The following P3H2 variants were observed in gnomAD, a reference collection of about 807,000 sequenced individuals.
P3H2 encodes prolyl 3-hydroxylase 2.
Under a neutral mutation model 87.0 loss-of-function variants are expected in P3H2, and 80 were observed. That is an observed-to-expected ratio of 0.92 (90% CI 0.77 to 1.11). The LOEUF is 1.11. P3H2 is among the 50% of genes least tolerant of loss of function. The pLI, the probability that P3H2 is intolerant of heterozygous loss-of-function variation, is 0.00. For missense variants in P3H2, 1,001 were observed against 923.9 expected (o/e 1.08, Z -1.08); for synonymous variants, 367 against 359.3 (o/e 1.02, Z -0.24).
At chr3:190,030,087 T>A (rs1307395922) in intron 1 of P3H2, among the ~76,000 whole-genome samples, 2 of 151,950 alleles carry the variant, frequency 1.3e-5, no homozygotes, top group Non-Finnish European at 2.9e-5. Context: ...TATAAAAATA[T>A]ATAATTACAT....
intron 1 of P3H2, among the ~76,000 whole-genome samples, chr3:190,027,274 T>G (rs1216098811): frequency 2.0e-5 from 3 of 152,208 alleles, no homozygotes; most frequent in Non-Finnish European, 4.4e-5. Context: ...ACCCAACAGA[T>G]AATACTATAC....
intron 8 of P3H2, among the ~76,000 whole-genome samples, chr3:189,979,283 C>T (rs1242170577): frequency 1.3e-5 from 2 of 151,316 alleles, no homozygotes; most frequent in Non-Finnish European, 2.9e-5. Flanking sequence ...AAAAAATTCG[C>T]TGGGCATGGT....
At chr3:190,102,900 C>G (rs529869539) in intron 1 of P3H2, among the ~76,000 whole-genome samples, 20 of 152,198 alleles carry the variant, frequency 1.3e-4, no homozygotes, top group Non-Finnish European at 2.8e-4. Flanking sequence ...TTACAGTAAC[C>G]ACCAACCTGA....
Position 189,957,427 on chromosome 3 carries a change from T to G in P3H2, c.*485A>C. On this transcript the variant is annotated 3_prime_UTR_variant, in exon 15 of 15. Transcript: ENST00000319332. ...GCTTATTCTCTCTAAGCTTTTGAAT[T>G]TGCAGCAACTTAATTGTGTGTGTGT... The G allele has an allele frequency of 5.3e-6, 2 of 375,830 alleles. No homozygotes were observed. Among genetic ancestry groups the G allele is most frequent in the Non-Finnish European group, 4.7e-6 (1 of 215,052 alleles). The allele number at this position is 375,830 out of a possible 1,614,324, so 23.3% of individuals were successfully genotyped here. A position where few individuals can be genotyped will look rare whatever the true frequency, so the allele number is the denominator to read the frequency against.
At chr3:190,101,502 G>A (rs528090475) in intron 1 of P3H2, among the ~76,000 whole-genome samples, 2 of 150,620 alleles carry the variant, frequency 1.3e-5, no homozygotes, top group South Asian at 4.2e-4. Flanking sequence ...ATAGAAAATC[G>A]AATCAGCCAC....
chr3:190,017,018 G>A (rs1294484499), intron 1 of P3H2, among the ~76,000 whole-genome samples: 1 of 152,182 alleles, frequency 6.6e-6, no homozygotes, highest in Non-Finnish European at 1.5e-5. Context: ...AGAAAATGTT[G>A]TTCTTCTATG....
Position 189,994,165 on chromosome 3 carries a change from CAT to C in P3H2, c.750_751del (p.Cys251Ter). 6.2e-7 allele frequency: 1 copy of C among 1,613,798 alleles called. No individual in the cohort carries two copies. The highest frequency in any genetic ancestry group is 8.5e-7 in the Non-Finnish European group (1 of 1,179,830). On this transcript the variant is annotated frameshift_variant, in exon 3 of 15. Transcript: ENST00000319332. LOFTEE classifies it high-confidence loss of function. ...TTCTTCAAATCTCTGAGGCCCCTCA[CAT>C]AGGGTCCGGCATTCTGTATCTTCAA...
chr3:190,028,715 T>G (rs1171113505), intron 1 of P3H2, among the ~76,000 whole-genome samples: 1 of 152,050 alleles, frequency 6.6e-6, no homozygotes, highest in Non-Finnish European at 1.5e-5. Flanking sequence ...ATTTTAATAA[T>G]TGTTTGAATG....
At chr3:190,017,189 T>C (rs1724782446) in intron 1 of P3H2, among the ~76,000 whole-genome samples, 1 of 151,980 alleles carries the variant, frequency 6.6e-6, no homozygotes, top group Non-Finnish European at 1.5e-5. Flanking sequence ...CTCCATATCC[T>C]GAAGAATTTT....
At chr3:190,114,376 C>T (rs1268901959) in intron 1 of P3H2, among the ~76,000 whole-genome samples, 2 of 151,650 alleles carry the variant, frequency 1.3e-5, no homozygotes, top group African/African-American at 4.8e-5. Flanking sequence ...TTAGTAGAGA[C>T]GGGGTTTCAC....
chr3:189,972,685 C>A (rs1429394305), intron 11 of P3H2, among the ~76,000 whole-genome samples, 189 bp downstream of exon 11: 1 of 152,022 alleles, frequency 6.6e-6, no homozygotes, highest in African/African-American at 2.4e-5. Flanking sequence ...CGAGGGTTTT[C>A]TGGAACTTCA....
Position 189,974,165 on chromosome 3 carries a change from G to C in P3H2, c.1453-161C>G. 3.7e-5 allele frequency: 24 copies of C among 648,572 alleles called. No homozygotes were observed. In the South Asian group the frequency reaches 4.2e-4, roughly 11 times the overall value. The allele number at this position is 648,572 out of a possible 1,614,324, so 40.2% of individuals were successfully genotyped here. ...TATAACTATTCTTTTAATTAAAAGA[G>C]ATATCTTTATTTAATCTTCATTCTA... On this transcript the variant is annotated intron_variant, in intron 9 of 14. Coordinates refer to ENST00000319332, the MANE Select transcript of P3H2 (RefSeq NM_018192.4).
intron 8 of P3H2, among the ~76,000 whole-genome samples, chr3:189,981,016 C>T (rs903181567): frequency 1.3e-5 from 2 of 152,228 alleles, no homozygotes; most frequent in Admixed American, 6.5e-5. Flanking sequence ...TTGCTGAGCA[C>T]GTGGAGATGC....
Position 190,020,299 on chromosome 3 carries a change from C to T in P3H2, c.481-24857G>A, listed in dbSNP as rs1006358245. On this transcript the variant is annotated intron_variant, in intron 1 of 14. Transcript: ENST00000319332. ...GAATGTGTGATCTTGCTAATGTAAA[C>T]GTCAAAGGATTTAGAAAAAAGTAAA... Among the ~76,000 whole-genome samples, 9 of 134,378 alleles carry T rather than the reference C, an allele frequency of 6.7e-5. 2 individuals are homozygous for T. The highest frequency in any genetic ancestry group is 5.0e-5 in the Non-Finnish European group (3 of 60,348). The allele number at this position is 134,378 out of a possible 152,430, so 88.2% of individuals were successfully genotyped here.
intron 13 of P3H2, chr3:189,970,001 T>C: frequency 1.7e-6 from 1 of 582,706 alleles, no homozygotes; most frequent in Non-Finnish European, 3.1e-6. Flanking sequence ...GGATGCTAAC[T>C]ATATGGTCTT....
In P3H2 at chr3:190,049,573, T is replaced by C. The variant is rs531287239; in HGVS notation, c.481-54131A>G. On this transcript the variant is annotated intron_variant, in intron 1 of 14. Coordinates refer to ENST00000319332, the MANE Select transcript of P3H2 (RefSeq NM_018192.4). ...AAGAATTGTAGTTTTCTTGAGGCAGTTGAGATTCTTAAAGGAGTATTTATT... is the reference window on the plus strand; with the variant it reads ...AAGAATTGTAGTTTTCTTGAGGCAGCTGAGATTCTTAAAGGAGTATTTATT... Among the ~76,000 whole-genome samples the C allele has an allele frequency of 7.2e-5, 11 of 152,362 alleles. No individual in the cohort carries two copies. In the East Asian group the frequency reaches 1.7e-3, roughly 24 times the overall value.
At chr3:189,994,572 T>A (rs1488432884) in intron 2 of P3H2, among the ~76,000 whole-genome samples, 2 of 152,116 alleles carry the variant, frequency 1.3e-5, no homozygotes, top group African/African-American at 4.8e-5. Flanking sequence ...GTTTTTGAAA[T>A]CATTTGCCTA....
chr3:190,119,273 G>C (rs1047113511), intron 1 of P3H2, among the ~76,000 whole-genome samples: 6 of 151,728 alleles, frequency 4.0e-5, no homozygotes, highest in African/African-American at 1.5e-4. Flanking sequence ...CCATTGGCTA[G>C]CATGAACAAC....
intron 1 of P3H2, among the ~76,000 whole-genome samples, chr3:190,070,613 TACAAG>T (rs1364250737): frequency 6.6e-6 from 1 of 152,138 alleles, no homozygotes; most frequent in Non-Finnish European, 1.5e-5. Flanking sequence ...GGCAACGACT[TACAAG>T]ACAAAACATT....
Sources: gnomAD v4.1 joint callset for allele counts (sites outside exome capture counted in the v4.1 genomes callset) on GRCh38, gnomAD v4.1.1 for gene constraint, MANE v1.5 for transcripts, NCBI Gene and HGNC (gene_info 2026-07-23, HGNC 2026-07-21) for gene names.